Variants in NCOR2 observed in about 807,000 individuals in gnomAD.
The protein encoded by NCOR2 is nuclear receptor corepressor 2, also known as CTG repeat protein 26.
NCOR2 carries 81 observed loss-of-function variants against 262.9 expected under a neutral mutation model. The ratio of observed to expected loss-of-function variants is 0.31; its 90% CI spans 0.26 to 0.37. NCOR2 has a LOEUF of 0.37. NCOR2 is among the 10% of genes least tolerant of loss of function. The pLI, the probability that NCOR2 is intolerant of heterozygous loss-of-function variation, is 1.00. For synonymous variants in NCOR2, 1,659 were observed against 1,559.3 expected, an observed-to-expected ratio of 1.06 and a Z score of -1.51; for missense variants, 3,385 against 3,621.4, an observed-to-expected ratio of 0.93 and a Z score of 1.68.
intron 3 of NCOR2, among the ~76,000 whole-genome samples, chr12:124,478,854 G>A (rs1050980890): frequency 6.6e-6 from 1 of 152,186 alleles, no homozygotes; most frequent in African/African-American, 2.4e-5. Flanking sequence ...GGGACACAAA[G>A]AGAAAGAGAT....
Position 124,444,073 on chromosome 12 carries a change from G to C in NCOR2, c.815+5742C>G, listed in dbSNP as rs117061973. ...GAGGCAGCCACCTGGGGGACTCCTG[G>C]TTTATGATGCCCACGTGTTCAACAT... On this transcript the variant is annotated intron_variant, in intron 7 of 46. Transcript: ENST00000405201. Among the ~76,000 whole-genome samples the C allele has an allele frequency of 3.9e-5, 6 of 152,200 alleles. No individual in the cohort carries two copies. In the East Asian group the frequency reaches 7.7e-4, roughly 20 times the overall value.
At chr12:124,329,542 A>C (rs192980117) in intron 44 of NCOR2, among the ~76,000 whole-genome samples, 1 of 152,284 alleles carries the variant, frequency 6.6e-6, no homozygotes, top group South Asian at 2.1e-4. Context: ...GGAGTTCAAG[A>C]CTAGCCTGGG....
At chr12:124,552,486 A>G (rs764312474) in intron 1 of NCOR2, among the ~76,000 whole-genome samples, 3 of 152,164 alleles carry the variant, frequency 2.0e-5, no homozygotes, top group Non-Finnish European at 4.4e-5. Context: ...GTCAAGGTCA[A>G]GAAACTGAGG....
At chr12:124,446,226 G>C (rs990502136) in intron 7 of NCOR2, among the ~76,000 whole-genome samples, 1 of 152,154 alleles carries the variant, frequency 6.6e-6, no homozygotes, top group African/African-American at 2.4e-5. Flanking sequence ...CCCAGTGACA[G>C]GGTGCTCACT....
At chr12:124,353,800 C>T (rs531987404) in intron 27 of NCOR2, among the ~76,000 whole-genome samples, 13 of 152,376 alleles carry the variant, frequency 8.5e-5, no homozygotes, top group Admixed American at 2.6e-4. Flanking sequence ...TTCTCAGCCG[C>T]GGTACGCTCA....
chr12:124,341,686 C>T, intron 34 of NCOR2, 137 bp downstream of exon 36: 4 of 1,342,812 alleles, frequency 3.0e-6, no homozygotes, highest in Non-Finnish European at 4.0e-6. Flanking sequence ...AACCCCAGGC[C>T]ACCCACTCAG....
intron 7 of NCOR2, among the ~76,000 whole-genome samples, chr12:124,444,296 G>C (rs532478069): frequency 1.3e-5 from 2 of 152,262 alleles, no homozygotes; most frequent in South Asian, 2.1e-4. Context: ...GGCACTCATG[G>C]GGTGCAAAGA....
At chr12:124,493,682 C>G (rs565930021) in intron 1 of NCOR2, among the ~76,000 whole-genome samples, 33 of 152,310 alleles carry the variant, frequency 2.2e-4, no homozygotes, top group African/African-American at 7.9e-4. Context: ...GCTCAGTTAA[C>G]AAGAGCTCTT....
intron 16 of NCOR2, among the ~76,000 whole-genome samples, chr12:124,396,801 G>A (rs1296557152): frequency 1.3e-5 from 2 of 152,160 alleles, no homozygotes; most frequent in Non-Finnish European, 2.9e-5. Context: ...CAACTACAGT[G>A]GAGGACGGGG....
rs563141603 is a variant in NCOR2, at chr12:124,376,507, G to A, written c.2167+1730C>T. ...GGACCCAAAATGGGACGACCCAAGG[G>A]ACTCGTGGCCCAGGCCTTCCTTCCA... On this transcript the variant is annotated intron_variant, in intron 18 of 46. Transcript: ENST00000405201. 3.7e-3 allele frequency among the ~76,000 whole-genome samples: 562 copies of A among 152,328 alleles called. 5 individuals carry two copies. The highest frequency in any genetic ancestry group is 4.7e-3 in the Non-Finnish European group (320 of 68,018).
At chr12:124,470,533 CAA>C (rs756192958) in intron 4 of NCOR2, among the ~76,000 whole-genome samples, 2 of 152,202 alleles carry the variant, frequency 1.3e-5, no homozygotes, top group Non-Finnish European at 2.9e-5. Flanking sequence ...AGGATGGAGA[CAA>C]GAGACAACAT....
chr12:124,326,957 C>T (rs190120344), intron 45 of NCOR2, among the ~76,000 whole-genome samples: 4 of 152,344 alleles, frequency 2.6e-5, no homozygotes, highest in South Asian at 4.1e-4. Flanking sequence ...CTCCTCCCCA[C>T]CAGGCTAAGG....
At chr12:124,376,540 C>T (rs140901221) in intron 18 of NCOR2, among the ~76,000 whole-genome samples, 30 of 152,332 alleles carry the variant, frequency 2.0e-4, no homozygotes, top group Admixed American at 8.5e-4. Context: ...CCATCAGACA[C>T]TAGCCAGGCT....
intron 12 of NCOR2, among the ~76,000 whole-genome samples, chr12:124,420,672 G>A (rs146008480): frequency 3.9e-4 from 59 of 152,292 alleles, no homozygotes; most frequent in African/African-American, 8.9e-4. Context: ...CATGAACCCC[G>A]GCCAAATGGG....
At chr12:124,433,481 G>C (rs1162926963) in intron 8 of NCOR2, among the ~76,000 whole-genome samples, 3 of 152,184 alleles carry the variant, frequency 2.0e-5, no homozygotes, top group Non-Finnish European at 4.4e-5. Context: ...CAGGGCGCTG[G>C]CAAGACGGCC....
intron 1 of NCOR2, among the ~76,000 whole-genome samples, chr12:124,515,149 G>C (rs1593922379): frequency 6.6e-6 from 1 of 152,232 alleles, no homozygotes; most frequent in East Asian, 1.9e-4. Context: ...GGACCCCCTG[G>C]GATGTCCAAG....
chr12:124,480,577 C>T (rs2047397602), intron 3 of NCOR2, among the ~76,000 whole-genome samples: 1 of 152,098 alleles, frequency 6.6e-6, no homozygotes, highest in Admixed American at 6.6e-5. Context: ...TGCACATCCT[C>T]ACCACCGCCA....
intron 1 of NCOR2, among the ~76,000 whole-genome samples, chr12:124,512,462 C>T (rs1054933790): frequency 5.9e-5 from 9 of 152,182 alleles, no homozygotes; most frequent in East Asian, 1.9e-4. Context: ...GGATTCAGGG[C>T]CCACCTGGGT....
At chr12:124,364,346 C>A (rs552428823) in intron 20 of NCOR2, among the ~76,000 whole-genome samples, 1 of 152,210 alleles carries the variant, frequency 6.6e-6, no homozygotes, top group Non-Finnish European at 1.5e-5. Flanking sequence ...GGCATGGAGC[C>A]GAATGAGCTC....
Sources: gnomAD v4.1 joint callset for allele counts (sites outside exome capture counted in the v4.1 genomes callset) on GRCh38, gnomAD v4.1.1 for gene constraint, MANE v1.5 for transcripts, NCBI Gene and HGNC (gene_info 2026-07-23, HGNC 2026-07-21) for gene names.